The following HS6ST3 variants were observed in gnomAD, a reference collection of about 807,000 sequenced individuals.
The protein encoded by HS6ST3 is heparan sulfate 6-O-sulfotransferase 3.
HS6ST3 carries 12 observed loss-of-function variants against 36.7 expected under a neutral mutation model. The observed-to-expected ratio is 0.33, with a 90% CI of 0.21 to 0.53. The LOEUF (loss-of-function observed/expected upper bound fraction) is 0.53. HS6ST3 is among the 20% of genes least tolerant of loss of function. HS6ST3 has a pLI of 0.95. For missense variants in HS6ST3, 584 were observed against 640.9 expected (o/e 0.91, Z 0.96); for synonymous variants, 240 against 257.5 (o/e 0.93, Z 0.65).
chr13:96,787,986 C>G (rs1265754597), intron 1 of HS6ST3, among the ~76,000 whole-genome samples: 1 of 151,848 alleles, frequency 6.6e-6, no homozygotes, highest in African/African-American at 2.4e-5. Context: ...TCCAATTACT[C>G]CAACACCATT....
intron 1 of HS6ST3, among the ~76,000 whole-genome samples, chr13:96,778,034 T>C (rs1487078428): frequency 6.6e-6 from 1 of 152,112 alleles, no homozygotes; most frequent in Admixed American, 6.5e-5. Context: ...TCTACAACCA[T>C]CTGATCTTTG....
intron 1 of HS6ST3, among the ~76,000 whole-genome samples, chr13:96,787,962 T>C (rs1480269277): frequency 6.6e-6 from 1 of 152,006 alleles, no homozygotes; most frequent in Non-Finnish European, 1.5e-5. Flanking sequence ...GGTTTATTTT[T>C]TGACCCATGA....
intron 1 of HS6ST3, among the ~76,000 whole-genome samples, chr13:96,656,384 C>T (rs1389524521): frequency 6.6e-6 from 1 of 152,066 alleles, no homozygotes; most frequent in African/African-American, 2.4e-5. Flanking sequence ...TAAGGGAAGC[C>T]TCATTTTATT....
chr13:96,291,831 C>G (rs1010990777), intron 1 of HS6ST3, among the ~76,000 whole-genome samples: 5 of 152,130 alleles, frequency 3.3e-5, no homozygotes, highest in South Asian at 2.1e-4. Context: ...AAATAATGAT[C>G]TGATTCACCA....
At chr13:96,424,721 C>G (rs529259915) in intron 1 of HS6ST3, among the ~76,000 whole-genome samples, 2 of 152,166 alleles carry the variant, frequency 1.3e-5, no homozygotes, top group Non-Finnish European at 2.9e-5. Context: ...CATGAGGGAT[C>G]TGCCCTCGTG....
At chr13:96,644,305 A>G (rs986947302) in intron 1 of HS6ST3, among the ~76,000 whole-genome samples, 1 of 152,066 alleles carries the variant, frequency 6.6e-6, no homozygotes, top group Non-Finnish European at 1.5e-5. Flanking sequence ...TTTGACATTC[A>G]TCAATTATGT....
At chr13:96,763,539 A>G (rs1300088319) in intron 1 of HS6ST3, among the ~76,000 whole-genome samples, 1 of 150,924 alleles carries the variant, frequency 6.6e-6, no homozygotes, top group East Asian at 1.9e-4. Context: ...AATGAATTTT[A>G]TGTATTTAAT....
chr13:96,741,024 CAACTGAAATATA>C (rs1876424825), intron 1 of HS6ST3, among the ~76,000 whole-genome samples: 2 of 152,170 alleles, frequency 1.3e-5, no homozygotes, highest in South Asian at 4.1e-4. Context: ...TTTTCCACTT[CAACTGAAATATA>C]AACCCACGAG....
intron 1 of HS6ST3, among the ~76,000 whole-genome samples, chr13:96,500,790 G>A (rs116202895): frequency 0.018 from 2,775 of 152,270 alleles, 76 homozygotes; most frequent in African/African-American, 0.059. Flanking sequence ...TAGATGTAAC[G>A]ATACTGCCCC....
chr13:96,787,420 CATGT>C (rs1877677656), intron 1 of HS6ST3, among the ~76,000 whole-genome samples: 1 of 151,918 alleles, frequency 6.6e-6, no homozygotes, highest in African/African-American at 2.4e-5. Flanking sequence ...TTTATGCATG[CATGT>C]ATGTATGTTT....
At chr13:96,218,550 T>C (rs2054438865) in intron 1 of HS6ST3, among the ~76,000 whole-genome samples, 1 of 152,248 alleles carries the variant, frequency 6.6e-6, no homozygotes, top group African/African-American at 2.4e-5. Flanking sequence ...ACCCTGTCAC[T>C]CACAGCCACG....
rs74110222 is a variant in HS6ST3, at chr13:96,811,307, G to T, written c.708-21183G>T. 7.0e-3 allele frequency among the ~76,000 whole-genome samples: 1,072 copies of T among 152,138 alleles called. 16 individuals carry two copies. Among genetic ancestry groups the T allele is most frequent in the African/African-American group, 0.024 (999 of 41,500 alleles). On this transcript the variant is annotated intron_variant, in intron 1 of 1. Transcript: ENST00000376705. ...GGAAGAAATGGTCCTATTTTTAAAG[G>T]GCTTTTCGACTTCTGATATGATTTG...
chr13:96,396,307 C>A (rs943597593), intron 1 of HS6ST3, among the ~76,000 whole-genome samples: 2 of 151,820 alleles, frequency 1.3e-5, no homozygotes, highest in Non-Finnish European at 2.9e-5. Context: ...GGGGGAGACT[C>A]TGTTTTGTTT....
chr13:96,219,502 A>G (rs1408328766), intron 1 of HS6ST3, among the ~76,000 whole-genome samples: 2 of 152,308 alleles, frequency 1.3e-5, no homozygotes, highest in Middle Eastern at 3.4e-3. Context: ...GCAGAACCCC[A>G]TCTAAATAAT....
chr13:96,472,814 A>G (rs190491120), intron 1 of HS6ST3, among the ~76,000 whole-genome samples: 7 of 152,306 alleles, frequency 4.6e-5, no homozygotes, highest in Admixed American at 3.9e-4. Flanking sequence ...AAAGAGGAAG[A>G]AAAGGGTGGT....
chr13:96,136,423 G>A lies in HS6ST3; in HGVS notation c.707+44854G>A, dbSNP rs527858539. ...AGAGCAGGAACAGGCGTCTTACATGGTAGGACCAGGACCAAGAGAGAGAAG... is the reference window on the plus strand; with the variant it reads ...AGAGCAGGAACAGGCGTCTTACATGATAGGACCAGGACCAAGAGAGAGAAG... On this transcript the variant is annotated intron_variant, in intron 1 of 1. Coordinates refer to ENST00000376705, the MANE Select transcript of HS6ST3 (RefSeq NM_153456.4). 3.3e-5 allele frequency among the ~76,000 whole-genome samples: 5 copies of A among 152,112 alleles called. No homozygotes were observed. The East Asian group carries it at 9.7e-4, about 30-fold the overall frequency.
At chr13:96,400,533 A>T (rs1167055821) in intron 1 of HS6ST3, among the ~76,000 whole-genome samples, 1 of 152,176 alleles carries the variant, frequency 6.6e-6, no homozygotes, top group Admixed American at 6.5e-5. Flanking sequence ...GAGAGGTGAT[A>T]ACAGGAACTT....
intron 1 of HS6ST3, among the ~76,000 whole-genome samples, chr13:96,397,409 T>C (rs1309607197): frequency 6.6e-6 from 1 of 152,200 alleles, no homozygotes; most frequent in Admixed American, 6.5e-5. Context: ...AATCCATTTT[T>C]GTCTATCTTA....
intron 1 of HS6ST3, among the ~76,000 whole-genome samples, chr13:96,438,896 T>C (rs1453277612): frequency 6.6e-6 from 1 of 151,988 alleles, no homozygotes; most frequent in Non-Finnish European, 1.5e-5. Flanking sequence ...GGAAAACCCA[T>C]CTGTACTAAA....
Sources: allele counts gnomAD v4.1 joint callset (sites outside exome capture counted in the v4.1 genomes callset), GRCh38; gene constraint gnomAD v4.1.1; transcripts MANE v1.5; gene names NCBI Gene and HGNC (gene_info 2026-07-23, HGNC 2026-07-21).